The following PRDM5 variants were observed in gnomAD, a reference collection of about 807,000 sequenced individuals.
PRDM5 encodes the protein PR domain zinc finger protein 5.
A neutral mutation model predicts 81.2 loss-of-function variants in PRDM5; 56 were observed. The observed-to-expected ratio is 0.69, with a 90% CI of 0.56 to 0.86. The LOEUF (loss-of-function observed/expected upper bound fraction) is 0.86. Among genes scored for constraint, PRDM5 ranks in the 40% least tolerant of loss-of-function variants. The pLI, the probability that PRDM5 is intolerant of heterozygous loss-of-function variation, is 0.00. For synonymous variants in PRDM5, 267 were observed against 256.4 expected, an observed-to-expected ratio of 1.04 and a Z score of -0.39; for missense variants, 697 against 770.1, an observed-to-expected ratio of 0.91 and a Z score of 1.12.
At chr4:120,837,618 G>A (rs1757509658) in intron 3 of PRDM5, 1 of 152,158 alleles carries the variant, frequency 6.6e-6, no homozygotes, top group African/African-American at 2.4e-5. Flanking sequence ...GTTCGATAAT[G>A]AGCATTTTAA....
At chr4:120,916,437 T>C (rs897556722) in intron 1 of PRDM5, among the ~76,000 whole-genome samples, 2 of 151,802 alleles carry the variant, frequency 1.3e-5, no homozygotes, top group Non-Finnish European at 2.9e-5. Context: ...CTAAATGTAA[T>C]GGTAAAAAGT....
chr4:120,821,696 C>T (rs1755297621), intron 3 of PRDM5, among the ~76,000 whole-genome samples: 1 of 148,468 alleles, frequency 6.7e-6, no homozygotes, highest in African/African-American at 2.5e-5. Context: ...AGACAGAGAG[C>T]AATGAGATAT....
intron 2 of PRDM5, 97 bp downstream of exon 2, chr4:120,907,377 C>T: frequency 1.2e-6 from 1 of 844,030 alleles, no homozygotes; most frequent in Non-Finnish European, 1.9e-6. Context: ...TACTTAAATA[C>T]TTAACTGGAA....
intron 15 of PRDM5, 69 bp downstream of exon 15, chr4:120,710,240 T>TAC (rs34444497): frequency 8.3e-4 from 849 of 1,020,496 alleles, no homozygotes; most frequent in Middle Eastern, 1.3e-3. Flanking sequence ...CACACACACA[T>TAC]ACACACACAC....
At chr4:120,738,881 T>C (rs546653115) in intron 14 of PRDM5, among the ~76,000 whole-genome samples, 3 of 152,256 alleles carry the variant, frequency 2.0e-5, no homozygotes, top group Non-Finnish European at 2.9e-5. Context: ...TTGTTTATGG[T>C]TTAATATTTG....
At position 120,903,487 on chromosome 4, in the gene PRDM5, T is replaced by C. The variant is rs1024211102; in HGVS notation, c.177+3987A>G. ...ACATAATAAGGGACAAGATTAAAGA[T>C]AGCAAGCAATAACTCTGCAATTCTA... On this transcript the variant is annotated intron_variant, in intron 2 of 15. Coordinates refer to ENST00000264808, the MANE Select transcript of PRDM5 (RefSeq NM_018699.4). 3.9e-5 allele frequency among the ~76,000 whole-genome samples: 6 copies of C among 152,192 alleles called. 1 individual carries two copies. In the South Asian group the frequency reaches 1.0e-3, roughly 26 times the overall value.
intron 3 of PRDM5, among the ~76,000 whole-genome samples, chr4:120,832,004 G>A (rs1410213783): frequency 6.6e-6 from 1 of 152,102 alleles, no homozygotes; most frequent in Non-Finnish European, 1.5e-5. Context: ...ATCTGTGCTG[G>A]TCCTATCAGA....
intron 8 of PRDM5, among the ~76,000 whole-genome samples, chr4:120,800,302 G>T (rs1177785176): frequency 6.6e-6 from 1 of 152,122 alleles, no homozygotes. Flanking sequence ...GATTGCTTGA[G>T]CCCAGGAGTT....
chr4:120,895,435 T>G (rs1402988122), intron 2 of PRDM5: 3 of 152,334 alleles, frequency 2.0e-5, no homozygotes, highest in Non-Finnish European at 4.4e-5. Flanking sequence ...GGCAACTGGC[T>G]CCCAAAGAAT....
intron 13 of PRDM5, among the ~76,000 whole-genome samples, chr4:120,774,888 C>CTATATATATATATATATATA (rs140501417): frequency 7.7e-6 from 1 of 129,384 alleles, no homozygotes; most frequent in Non-Finnish European, 1.6e-5. Flanking sequence ...CTCTCTCTTT[C>CTATATATATATATATATATA]TATATATATA....
chr4:120,839,339 T>C lies in PRDM5; in HGVS notation c.300+14079A>G, dbSNP rs562915209. On this transcript the variant is annotated intron_variant, in intron 3 of 15. Coordinates refer to ENST00000264808, the MANE Select transcript of PRDM5 (RefSeq NM_018699.4). The stretch of plus-strand genomic sequence containing the variant: ...GTAAGCAAGATGAAGAGGAACTTCA[T>C]TGAGCAACAGAACAGCTCAGAGGAA... 4.2e-4 allele frequency: 296 copies of C among 702,290 alleles called. 3 individuals carry two copies. The highest frequency in any genetic ancestry group is 1.7e-3 in the South Asian group (118 of 67,486). The allele number at this position is 702,290 out of a possible 1,614,324, so 43.5% of individuals were successfully genotyped here.
intron 1 of PRDM5, among the ~76,000 whole-genome samples, chr4:120,916,020 G>A (rs1292087041): frequency 2.6e-5 from 4 of 152,196 alleles, no homozygotes; most frequent in Non-Finnish European, 5.9e-5. Context: ...ATTGCCAGAA[G>A]ACAAGTGTTA....
intron 3 of PRDM5, among the ~76,000 whole-genome samples, chr4:120,837,088 A>G (rs1331714988): frequency 6.6e-6 from 1 of 152,152 alleles, no homozygotes; most frequent in African/African-American, 2.4e-5. Context: ...CATGCTCAGG[A>G]ATTGCCATGC....
chr4:120,706,483 A>ATCTT (rs1736166928), intron 15 of PRDM5, among the ~76,000 whole-genome samples: 1 of 152,096 alleles, frequency 6.6e-6, no homozygotes, highest in Non-Finnish European at 1.5e-5. Flanking sequence ...ATGTTGAGAG[A>ATCTT]TTAAGAAATC....
chr4:120,825,474 C>T (rs1420104302), intron 3 of PRDM5, among the ~76,000 whole-genome samples: 1 of 152,100 alleles, frequency 6.6e-6, no homozygotes, highest in South Asian at 2.1e-4. Flanking sequence ...TTGGACTCAT[C>T]CTTGACCCTT....
chr4:120,882,414 C>G (rs538155024), intron 2 of PRDM5, among the ~76,000 whole-genome samples: 4 of 152,152 alleles, frequency 2.6e-5, no homozygotes, highest in Admixed American at 6.5e-5. Context: ...TCCCAAAGTG[C>G]TGGGATTACA....
chr4:120,842,070 G>C (rs1758099879), intron 3 of PRDM5, among the ~76,000 whole-genome samples: 1 of 152,142 alleles, frequency 6.6e-6, no homozygotes, highest in Non-Finnish European at 1.5e-5. Flanking sequence ...TTCTGAGTGA[G>C]TCCAGACTGA....
At position 120,811,391 on chromosome 4, in the gene PRDM5, T is replaced by C. The variant is rs146673397; in HGVS notation, c.924A>G (p.Ser308=). The change falls in exon 8 of 16, where the codon TCA becomes TCG. Residue 308 remains serine, a synonymous_variant. Coordinates refer to ENST00000264808, the MANE Select transcript of PRDM5 (RefSeq NM_018699.4). The part of the protein sequence containing the change: ...SVCNKKCSSA[S]SLQEHRKIHE... The stretch of plus-strand genomic sequence containing the variant: ...TGACCTTTCTATGTTCCTGTAGGCT[T>C]GATGCTGAAGAACACTTTTTATTGC... The C allele has an allele frequency of 7.6e-5, 122 of 1,601,200 alleles. No individual in the cohort carries two copies. The African/African-American group carries it at 1.6e-3, about 21-fold the overall frequency.
intron 2 of PRDM5, among the ~76,000 whole-genome samples, chr4:120,907,029 T>A (rs1765877580): frequency 6.7e-6 from 1 of 149,408 alleles, no homozygotes; most frequent in Non-Finnish European, 1.5e-5. Context: ...AAAGCTGAAC[T>A]TTTTTTAAAA....
Sources: allele counts gnomAD v4.1 joint callset (sites outside exome capture counted in the v4.1 genomes callset), GRCh38; gene constraint gnomAD v4.1.1; transcripts MANE v1.5; gene names NCBI Gene and HGNC (gene_info 2026-07-23, HGNC 2026-07-21).